GLI4: variants seen among roughly 807,000 people sequenced by gnomAD.
The protein encoded by GLI4 is zinc finger protein GLI4.
GLI4 carries 34 observed loss-of-function variants against 30.9 expected under a neutral mutation model. The ratio of observed to expected loss-of-function variants is 1.10; its 90% confidence interval spans 0.84 to 1.47. The LOEUF (loss-of-function observed/expected upper bound fraction) is 1.47. Ranked by LOEUF, GLI4 falls within the 40% of genes most tolerant of loss-of-function variation. GLI4 has a pLI of 0.00. For missense variants in GLI4, 696 were observed against 538.9 expected (o/e 1.29, Z -2.89); for synonymous variants, 277 against 236.7 (o/e 1.17, Z -1.56).
intron 1 of GLI4, chr8:143,267,811 T>C (rs1815170830): frequency 2.0e-6 from 2 of 985,206 alleles, no homozygotes; most frequent in South Asian, 4.7e-5. Flanking sequence ...GTCCCGCCGC[T>C]CCGGAGCGAG....
chr8:143,273,428 A>G (rs543207701), intron 2 of GLI4: 1 of 152,376 alleles, frequency 6.6e-6, no homozygotes, highest in East Asian at 1.9e-4. Context: ...AGCCCTTCAT[A>G]TCGGGCCTCC....
At chr8:143,275,812 C>A in intron 3 of GLI4, 85 bp from the exon 4 acceptor site, 1 of 1,250,810 alleles carries the variant, frequency 8.0e-7, no homozygotes, top group Non-Finnish European at 1.0e-6. Flanking sequence ...CCCCGTCCAG[C>A]TCTGCTCTCA....
chr8:143,272,160 T>C (rs1419966445), intron 2 of GLI4, among the ~76,000 whole-genome samples: 1 of 152,172 alleles, frequency 6.6e-6, no homozygotes, highest in Non-Finnish European at 1.5e-5. Flanking sequence ...CTTGCAGCCC[T>C]GTGGGGGTTA....
At chr8:143,267,528 C>T in intron 1 of GLI4, 44 bp downstream of exon 1, 3 of 985,908 alleles carry the variant, frequency 3.0e-6, no homozygotes, top group South Asian at 4.6e-5. Context: ...GTGCCTGGGA[C>T]CAGCCCAGTC....
chr8:143,276,483 C>T lies in GLI4; in HGVS notation c.810C>T (p.Gly270=), dbSNP rs1287030263. The change falls in exon 4 of 4, where the codon GGC becomes GGT. Residue 270 remains glycine, a synonymous_variant. Transcript: ENST00000340042. ...IHNGEKPYKC[G]ECGQAFSQSS... ...ACGGCGAGAAGCCCTACAAGTGCGG[C>T]GAGTGCGGCCAGGCCTTCAGCCAGA... is the stretch of plus-strand genomic sequence containing the variant. The T allele has an allele frequency of 1.9e-6, 3 of 1,612,972 alleles. No homozygotes were observed. Among genetic ancestry groups the T allele is most frequent in the Non-Finnish European group, 2.5e-6 (3 of 1,179,810 alleles).
chr8:143,270,072 C>G (rs1022905547), intron 2 of GLI4, among the ~76,000 whole-genome samples: 1 of 152,274 alleles, frequency 6.6e-6, no homozygotes, highest in Non-Finnish European at 1.5e-5. Flanking sequence ...GTCAGGGATC[C>G]TGAGGCTACA....
chr8:143,274,574 G>C (rs559906140), intron 2 of GLI4, 130 bp from the exon 3 acceptor site: 15 of 843,322 alleles, frequency 1.8e-5, no homozygotes, highest in Non-Finnish European at 2.2e-5. Context: ...CAGCGGGCCT[G>C]CTGTTGGGAT....
chr8:143,274,745 G>C lies in GLI4; in HGVS notation c.166G>C (p.Asp56His). The change falls in exon 3 of 4, where the codon GAC becomes CAC. Residue 56 changes from aspartate (D) to histidine (H), a missense_variant. Asp to His is a moderately conservative substitution (Grantham distance 81, BLOSUM62 -1). Transcript: ENST00000340042. Reference protein sequence around the residue: ...SSPKVLSQPSDLDLQDVEEVE... With the variant: ...SSPKVLSQPSHLDLQDVEEVE... ...CCCTAAGGTGCTCTCCCAGCCGTCC[G>C]ACCTGGATCTCCAAGACGTAGAGGA... The C allele has an allele frequency of 1.3e-6, 2 of 1,570,668 alleles. No homozygotes were observed. Among genetic ancestry groups the C allele is most frequent in the Non-Finnish European group, 8.6e-7 (1 of 1,156,250 alleles).
At chr8:143,275,521 C>T (rs907965444) in intron 3 of GLI4, 6 of 1,265,468 alleles carry the variant, frequency 4.7e-6, no homozygotes, top group Non-Finnish European at 5.0e-6. Flanking sequence ...GGCTTTGAGG[C>T]GCCCTCTGGA....
At position 143,276,374 on chromosome 8, in the gene GLI4, C is replaced by T; in HGVS notation, c.701C>T (p.Thr234Met). ...SGFIQHHRIHTGEKPYECGQC... is the reference protein window; with the variant it reads ...SGFIQHHRIHMGEKPYECGQC... The stretch of plus-strand genomic sequence containing the variant: ...TTCATCCAGCACCACCGCATCCACA[C>T]GGGCGAGAAGCCCTACGAGTGCGGC... The change falls in exon 4 of 4, where the codon ACG (threonine) becomes ATG (methionine). Residue 234 changes from threonine to methionine, a missense_variant. Coordinates refer to ENST00000340042, the MANE Select transcript of GLI4 (RefSeq NM_138465.4). 2.5e-6 allele frequency: 4 copies of T among 1,612,546 alleles called. No individual in the cohort carries two copies. Among genetic ancestry groups the T allele is most frequent in the South Asian group, 1.1e-5 (1 of 91,054 alleles).
chr8:143,274,826 TG>T (rs2088581607), intron 3 of GLI4, 24 bp downstream of exon 3: 1 of 1,537,448 alleles, frequency 6.5e-7, no homozygotes, highest in South Asian at 1.2e-5. Context: ...ATCGGGTTAC[TG>T]GGGGACCAGA....
At chr8:143,270,622 C>T (rs1815246806) in intron 2 of GLI4, among the ~76,000 whole-genome samples, 1 of 152,196 alleles carries the variant, frequency 6.6e-6, no homozygotes, top group South Asian at 2.1e-4. Context: ...GTGCTCCTCA[C>T]CCCTTAGTCA....
chr8:143,269,448 A>T lies in GLI4; in HGVS notation c.52A>T (p.Ser18Cys), dbSNP rs1478430645. Residue 18 changes from serine to cysteine, a missense_variant, in exon 2 of 4, where the codon AGT (serine) becomes TGT (cysteine). Transcript: ENST00000340042. ...GTCCCCTTCTGTCCCGTCCCCTGTCAGTCTCTCATCACCGGGGACACCTGG... is the reference window on the plus strand; with the variant it reads ...GTCCCCTTCTGTCCCGTCCCCTGTCTGTCTCTCATCACCGGGGACACCTGG... ...QESPSVPSPVSLSSPGTPGTQ... is the reference protein window; with the variant it reads ...QESPSVPSPVCLSSPGTPGTQ... 1 of 1,610,348 alleles carries T rather than the reference A, an allele frequency of 6.2e-7. No individual in the cohort carries two copies. The highest frequency in any genetic ancestry group is 1.1e-5 in the South Asian group (1 of 91,028).
chr8:143,269,048 T>C (rs1815207450), intron 1 of GLI4, among the ~76,000 whole-genome samples: 1 of 152,186 alleles, frequency 6.6e-6, no homozygotes, highest in Admixed American at 6.5e-5. Context: ...TTCACCATAT[T>C]AGACAGGCTG....
At chr8:143,268,367 T>C (rs1815187161) in intron 1 of GLI4, among the ~76,000 whole-genome samples, 1 of 152,206 alleles carries the variant, frequency 6.6e-6, no homozygotes, top group South Asian at 2.1e-4. Context: ...GAGTTCCTAC[T>C]CTATCACAGT....
chr8:143,273,763 G>A (rs776838420), intron 2 of GLI4, among the ~76,000 whole-genome samples: 10 of 152,196 alleles, frequency 6.6e-5, no homozygotes, highest in Admixed American at 3.9e-4. Flanking sequence ...ACCCAGATTC[G>A]GCCTCACGGG....
chr8:143,269,637 G>A, intron 2 of GLI4, 117 bp downstream of exon 2: 1 of 832,018 alleles, frequency 1.2e-6, no homozygotes. Context: ...CCAGACACCT[G>A]TATGCAGCTC....
chr8:143,267,963 C>A (rs774411874), intron 1 of GLI4: 1 of 985,324 alleles, frequency 1.0e-6, no homozygotes, highest in Non-Finnish European at 1.2e-6. Flanking sequence ...GCCCTTCCCC[C>A]TTCAGTCTGG....
At chr8:143,268,779 C>T (rs933376920) in intron 1 of GLI4, among the ~76,000 whole-genome samples, 1 of 151,606 alleles carries the variant, frequency 6.6e-6, no homozygotes, top group Non-Finnish European at 1.5e-5. Context: ...CCACAGGCGT[C>T]TGCTGTGCCG....
Sources: allele counts gnomAD v4.1 joint callset (sites outside exome capture counted in the v4.1 genomes callset), GRCh38; gene constraint gnomAD v4.1.1; transcripts MANE v1.5; gene names NCBI Gene and HGNC (gene_info 2026-07-23, HGNC 2026-07-21).